Variants in COMMD6 observed in about 807,000 individuals in gnomAD.
COMMD6 encodes the protein COMM domain containing 6.
Under a neutral mutation model 13.4 loss-of-function variants are expected in COMMD6, and 11 were observed. The ratio of observed to expected loss-of-function variants is 0.82; its 90% CI spans 0.52 to 1.36. The LOEUF is 1.36. Among genes scored for constraint, COMMD6 ranks in the 40% most tolerant of loss-of-function variants. The pLI, the probability that COMMD6 is intolerant of heterozygous loss-of-function variation, is 0.00. For missense variants in COMMD6, 124 were observed against 102.4 expected (o/e 1.21, Z -0.91); for synonymous variants, 43 against 36.5 (o/e 1.18, Z -0.64).
At chr13:75,533,350 T>G (rs1461535683) in intron 2 of COMMD6, among the ~76,000 whole-genome samples, 1 of 152,060 alleles carries the variant, frequency 6.6e-6, no homozygotes, top group Non-Finnish European at 1.5e-5. Flanking sequence ...GTGGATCACT[T>G]GAGTGCAGGG....
At chr13:75,537,929 AG>A, upstream of COMMD6, 1 of 977,408 alleles carries the variant, frequency 1.0e-6, no homozygotes, top group Non-Finnish European at 1.5e-6. Flanking sequence ...AGCTGAAAAA[AG>A]CATCTTTATG....
chr13:75,530,081 C>G, intron 3 of COMMD6, 33 bp downstream of exon 3: 1 of 1,556,302 alleles, frequency 6.4e-7, no homozygotes. Flanking sequence ...TACAGAAAAG[C>G]TGAGCTAAAA....
chr13:75,529,316 C>T (rs561676556), intron 3 of COMMD6, among the ~76,000 whole-genome samples: 3 of 151,986 alleles, frequency 2.0e-5, no homozygotes, highest in Admixed American at 6.6e-5. Context: ...GTCAGGAGAT[C>T]GAGACCATCC....
rs762981198 is a variant in COMMD6 at position 75,537,491 on chromosome 13, A to C, written c.54+173T>G. ...AAGAGGAGCTTTCATTACAATGGCA[A>C]CGGCTACCGGCTCAGGTGCAAAAGA... On this transcript the variant is annotated intron_variant, in intron 2 of 3. Transcript: ENST00000682242. 1.9e-5 allele frequency: 30 copies of C among 1,554,502 alleles called. No individual in the cohort carries two copies. The South Asian group carries it at 3.3e-4, about 17-fold the overall frequency.
rs1224627870 is a variant in COMMD6, at chr13:75,526,428, C to T, written c.*161G>A. ...TCACAAAGTTTTGCATTCATCACCA[C>T]TACCCAGTTCCTGTTTGTCTGATTT... On this transcript the variant is annotated 3_prime_UTR_variant, in exon 4 of 4. Coordinates refer to ENST00000682242, the MANE Select transcript of COMMD6 (RefSeq NM_203495.4). 2.6e-5 allele frequency: 15 copies of T among 567,726 alleles called. No individual in the cohort carries two copies. The Admixed American group carries it at 4.7e-4, about 18-fold the overall frequency. 35.2% of individuals were successfully genotyped at this position (567,726 alleles called of 1,614,324 possible). A position where few individuals can be genotyped will look rare whatever the true frequency, so the allele number is the denominator to read the frequency against.
At chr13:75,535,895 T>A (rs1343328769) in intron 2 of COMMD6, among the ~76,000 whole-genome samples, 1 of 152,176 alleles carries the variant, frequency 6.6e-6, no homozygotes, top group East Asian at 1.9e-4. Flanking sequence ...TCCGTAATTT[T>A]TTTTTTTTAA....
At chr13:75,528,043 ACACT>A (rs2030330538) in intron 3 of COMMD6, among the ~76,000 whole-genome samples, 2 of 148,092 alleles carry the variant, frequency 1.4e-5, no homozygotes, top group East Asian at 2.0e-4. Context: ...ATACATGCAC[ACACT>A]CTCTCCAAAA....
rs118063400 is a variant in COMMD6, at chr13:75,546,728, C to T, written n.106+2595G>A. Among the ~76,000 whole-genome samples the T allele has an allele frequency of 8.0e-3, 1,215 of 152,332 alleles. 8 individuals carry two copies. Among genetic ancestry groups the T allele is most frequent in the Non-Finnish European group, 0.012 (787 of 68,034 alleles). On this transcript the variant is annotated intron_variant and non_coding_transcript_variant, in intron 1 of 2. Coordinates refer to the COMMD6 transcript ENST00000460675. ...AAATAAGTGGCATGACACTATGACA[C>T]TGTGCATAGGCATGCCACTATATTT...
intron 2 of COMMD6, among the ~76,000 whole-genome samples, chr13:75,533,286 G>A (rs186100181): frequency 6.6e-6 from 1 of 152,088 alleles, no homozygotes; most frequent in East Asian, 1.9e-4. Flanking sequence ...GGATATTCAG[G>A]CTGGGCACGG....
At chr13:75,537,101 T>C (rs2030692749) in intron 2 of COMMD6, among the ~76,000 whole-genome samples, 1 of 152,210 alleles carries the variant, frequency 6.6e-6, no homozygotes, top group South Asian at 2.1e-4. Flanking sequence ...ACTCCTGGCC[T>C]AAAAATACTC....
At chr13:75,529,923 T>C (rs2030409921) in intron 3 of COMMD6, 191 bp downstream of exon 3, 2 of 542,554 alleles carry the variant, frequency 3.7e-6, no homozygotes, top group African/African-American at 1.9e-5. Flanking sequence ...CAGCACATTA[T>C]ATTGAAAATA....
At chr13:75,534,591 A>C (rs1200023052) in intron 2 of COMMD6, among the ~76,000 whole-genome samples, 1 of 152,264 alleles carries the variant, frequency 6.6e-6, no homozygotes, top group Non-Finnish European at 1.5e-5. Context: ...GTTAAGAATG[A>C]AACAATGTGC....
At chr13:75,536,685 A>C (rs1286514603) in intron 2 of COMMD6, among the ~76,000 whole-genome samples, 1 of 152,228 alleles carries the variant, frequency 6.6e-6, no homozygotes, top group Non-Finnish European at 1.5e-5. Flanking sequence ...GAAGGAACAA[A>C]GCCCTGCAGA....
At chr13:75,536,054 A>AT (rs1230475740) in intron 2 of COMMD6, among the ~76,000 whole-genome samples, 9 of 151,794 alleles carry the variant, frequency 5.9e-5, no homozygotes, top group African/African-American at 1.9e-4. Context: ...CACCTGATTA[A>AT]TTTTTTTATT....
chr13:75,531,026 C>T (rs1013257821), intron 2 of COMMD6, among the ~76,000 whole-genome samples: 1 of 152,242 alleles, frequency 6.6e-6, no homozygotes, highest in Non-Finnish European at 1.5e-5. Context: ...GGGGTAAATA[C>T]TGTCTGTCTT....
At chr13:75,528,658 A>G (rs1299188667) in intron 3 of COMMD6, among the ~76,000 whole-genome samples, 2 of 152,064 alleles carry the variant, frequency 1.3e-5, no homozygotes, top group South Asian at 4.1e-4. Flanking sequence ...CCTGGCCAAC[A>G]TGGTGAAACC....
At chr13:75,537,322 A>G in intron 2 of COMMD6, 1 of 1,548,780 alleles carries the variant, frequency 6.5e-7, no homozygotes, top group South Asian at 1.2e-5. Context: ...GACTAAGAAA[A>G]TGTTTGCGGT....
chr13:75,548,290 G>A (rs1341011012), intron 1 of COMMD6, among the ~76,000 whole-genome samples: 1 of 152,226 alleles, frequency 6.6e-6, no homozygotes, highest in East Asian at 1.9e-4. Context: ...GGTGAGTATA[G>A]CAGCAATCCA....
intron 2 of COMMD6, among the ~76,000 whole-genome samples, chr13:75,531,488 C>G (rs1163874707): frequency 6.7e-6 from 1 of 149,980 alleles, no homozygotes; most frequent in African/African-American, 2.5e-5. Context: ...TAAGTCCAAG[C>G]TAGTGCTGAC....
Sources: allele counts gnomAD v4.1 joint callset (sites outside exome capture counted in the v4.1 genomes callset), GRCh38; gene constraint gnomAD v4.1.1; transcripts MANE v1.5; gene names NCBI Gene and HGNC (gene_info 2026-07-23, HGNC 2026-07-21).